MACROD2: variants seen among roughly 807,000 people sequenced by gnomAD.
MACROD2 encodes mono-ADP ribosylhydrolase 2, also known as ADP-ribose glycohydrolase MACROD2.
A neutral mutation model predicts 70.4 loss-of-function variants in MACROD2; 36 were observed. The ratio of observed to expected loss-of-function variants is 0.51; its 90% CI spans 0.39 to 0.68. MACROD2 has a LOEUF of 0.68. Among genes scored for constraint, MACROD2 ranks in the 30% least tolerant of loss-of-function variants. The probability of loss-of-function intolerance (pLI) is 0.00; values close to 1 mark genes in which losing one functional copy is unlikely to be tolerated. For synonymous variants in MACROD2, 172 were observed against 178.8 expected, an observed-to-expected ratio of 0.96 and a Z score of 0.30; for missense variants, 496 against 538.4, an observed-to-expected ratio of 0.92 and a Z score of 0.78.
intron 5 of MACROD2, among the ~76,000 whole-genome samples, chr20:14,732,091 T>A (rs1001554831): frequency 7.2e-5 from 11 of 152,166 alleles, no homozygotes; most frequent in Non-Finnish European, 1.5e-4. Context: ...AAGGGGCTTC[T>A]GCAAACAAAA....
intron 5 of MACROD2, among the ~76,000 whole-genome samples, chr20:14,802,977 A>G (rs1039862800): frequency 6.6e-6 from 1 of 152,098 alleles, no homozygotes; most frequent in Admixed American, 6.6e-5. Context: ...CTTAACGTCA[A>G]TGGCTCTTTC....
chr20:14,092,743 G>A (rs1335628210), intron 3 of MACROD2, among the ~76,000 whole-genome samples: 2 of 152,170 alleles, frequency 1.3e-5, no homozygotes, highest in African/African-American at 4.8e-5. Context: ...TAAATAATGT[G>A]TGAAAAATAC....
At chr20:14,797,836 G>A (rs994070524) in intron 5 of MACROD2, among the ~76,000 whole-genome samples, 9 of 151,966 alleles carry the variant, frequency 5.9e-5, no homozygotes, top group African/African-American at 2.2e-4. Context: ...TGCCAGTAGC[G>A]TAAGAGTGTT....
At chr20:15,142,778 T>C (rs1191377744) in intron 5 of MACROD2, among the ~76,000 whole-genome samples, 2 of 152,004 alleles carry the variant, frequency 1.3e-5, no homozygotes, top group Admixed American at 6.6e-5. Flanking sequence ...ATTCTGTCCT[T>C]GTGATAGTTT....
At chr20:14,433,225 T>C (rs1025236426) in intron 3 of MACROD2, among the ~76,000 whole-genome samples, 2 of 152,084 alleles carry the variant, frequency 1.3e-5, no homozygotes, top group Non-Finnish European at 2.9e-5. Context: ...TAAATAGTAG[T>C]AAAAGCAGAA....
At chr20:14,237,219 G>T (rs1343355038) in intron 3 of MACROD2, among the ~76,000 whole-genome samples, 1 of 151,768 alleles carries the variant, frequency 6.6e-6, no homozygotes, top group African/African-American at 2.4e-5. Flanking sequence ...TGTTGTTATG[G>T]AATTTCATTA....
At chr20:15,649,755 A>G (rs1430462785) in intron 8 of MACROD2, among the ~76,000 whole-genome samples, 1 of 152,142 alleles carries the variant, frequency 6.6e-6, no homozygotes, top group East Asian at 1.9e-4. Flanking sequence ...AGGAAGCCAC[A>G]ATGTCCTTTA....
intron 3 of MACROD2, among the ~76,000 whole-genome samples, chr20:14,168,860 C>T (rs1445941783): frequency 2.6e-5 from 4 of 152,180 alleles, no homozygotes; most frequent in African/African-American, 9.7e-5. Flanking sequence ...TCTGTAAAGC[C>T]AGTGTCTCCC....
chr20:14,499,615 G>A (rs2084894436), intron 4 of MACROD2, among the ~76,000 whole-genome samples: 1 of 152,104 alleles, frequency 6.6e-6, no homozygotes, highest in African/African-American at 2.4e-5. Context: ...AGGCCAGGAG[G>A]CCCAGATATG....
intron 7 of MACROD2, among the ~76,000 whole-genome samples, chr20:15,454,426 CA>C (rs2046690738): frequency 1.4e-5 from 1 of 73,244 alleles, no homozygotes; most frequent in Non-Finnish European, 4.2e-5. Context: ...CACACACACA[CA>C]CACACACACA....
At chr20:14,072,528 C>T (rs2053860132) in intron 2 of MACROD2, among the ~76,000 whole-genome samples, 2 of 152,118 alleles carry the variant, frequency 1.3e-5, no homozygotes, top group African/African-American at 4.8e-5. Flanking sequence ...CAAACCACTT[C>T]ATTTCTGTAT....
At chr20:15,254,929 C>CTTTTTTTTTTT (rs762538763) in intron 6 of MACROD2, among the ~76,000 whole-genome samples, 1 of 80,544 alleles carries the variant, frequency 1.2e-5, no homozygotes, top group Non-Finnish European at 2.4e-5. Flanking sequence ...CAAAGCACAC[C>CTTTTTTTTTTT]TTTTTTTTTT....
chr20:14,050,467 G>T (rs2053549845), intron 2 of MACROD2, among the ~76,000 whole-genome samples: 1 of 152,156 alleles, frequency 6.6e-6, no homozygotes, highest in Non-Finnish European at 1.5e-5. Flanking sequence ...CCTGAAATCT[G>T]CTCTCCCATT....
intron 8 of MACROD2, among the ~76,000 whole-genome samples, chr20:15,571,284 T>C (rs1012008030): frequency 1.3e-5 from 2 of 152,194 alleles, no homozygotes; most frequent in African/African-American, 4.8e-5. Flanking sequence ...TAGATTTATG[T>C]AAGTCAAAGA....
chr20:15,052,168 T>C (rs2075447662), intron 5 of MACROD2, among the ~76,000 whole-genome samples: 1 of 152,168 alleles, frequency 6.6e-6, no homozygotes, highest in African/African-American at 2.4e-5. Context: ...TACAACACCA[T>C]ATTAAGGCTA....
intron 3 of MACROD2, among the ~76,000 whole-genome samples, chr20:14,441,357 T>G (rs915076): frequency 6.6e-6 from 1 of 152,164 alleles, no homozygotes; most frequent in Non-Finnish European, 1.5e-5. Context: ...CCAGGCAAGA[T>G]GGCAAGAACA....
chr20:14,811,019 T>C (rs957357153), intron 5 of MACROD2, among the ~76,000 whole-genome samples: 29 of 152,098 alleles, frequency 1.9e-4, no homozygotes, highest in African/African-American at 7.0e-4. Context: ...CTGCCCAAAG[T>C]AATTTATAGA....
intron 6 of MACROD2, among the ~76,000 whole-genome samples, chr20:15,244,300 A>G (rs1232148639): frequency 6.6e-6 from 1 of 152,246 alleles, no homozygotes; most frequent in African/African-American, 2.4e-5. Flanking sequence ...GAGACTTAAG[A>G]AATCTTGTCA....
Position 14,898,201 on chromosome 20 carries a change from T to G in MACROD2, c.418+213242T>G, listed in dbSNP as rs144803623. Among the ~76,000 whole-genome samples the G allele has an allele frequency of 4.5e-3, 678 of 152,310 alleles. 8 individuals are homozygous for G. The highest frequency in any genetic ancestry group is 0.015 in the African/African-American group (634 of 41,572). On this transcript the variant is annotated intron_variant, in intron 5 of 17. Coordinates refer to ENST00000684519, the MANE Select transcript of MACROD2 (RefSeq NM_001351661.2). ...TAAATGTGGGTAGTGATTAACTTAT[T>G]ACCTCAGGTTAGGTTCCTTTCTAGT...
Sources: allele counts gnomAD v4.1 joint callset (sites outside exome capture counted in the v4.1 genomes callset), GRCh38; gene constraint gnomAD v4.1.1; transcripts MANE v1.5; gene names NCBI Gene and HGNC (gene_info 2026-07-23, HGNC 2026-07-21).